The following CTNND2 variants were observed in gnomAD, a reference collection of about 807,000 sequenced individuals.
CTNND2 encodes catenin delta-2.
A neutral mutation model predicts 144.4 loss-of-function variants in CTNND2; 22 were observed. The observed-to-expected ratio is 0.15, with a 90% CI of 0.11 to 0.22. The LOEUF is 0.22. Among genes scored for constraint, CTNND2 ranks in the 10% least tolerant of loss-of-function variants. CTNND2 has a pLI of 1.00. For synonymous variants in CTNND2, 751 were observed against 695.6 expected (o/e 1.08, Z -1.25); for missense variants, 1,353 against 1,618.8 (o/e 0.84, Z 2.82).
intron 9 of CTNND2, among the ~76,000 whole-genome samples, chr5:11,290,330 TGACGGG>T (rs1748198363): frequency 6.6e-6 from 1 of 152,222 alleles, no homozygotes; most frequent in African/African-American, 2.4e-5. Context: ...ATGAGGTACC[TGACGGG>T]ATGCTCATCG....
At chr5:11,169,495 T>C (rs1316395606) in intron 11 of CTNND2, among the ~76,000 whole-genome samples, 1 of 152,226 alleles carries the variant, frequency 6.6e-6, no homozygotes, top group Non-Finnish European at 1.5e-5. Context: ...CTTATCTCTA[T>C]GCATGGAACA....
At chr5:11,530,633 C>T (rs958361292) in intron 3 of CTNND2, among the ~76,000 whole-genome samples, 7 of 152,160 alleles carry the variant, frequency 4.6e-5, no homozygotes, top group African/African-American at 1.7e-4. Flanking sequence ...GCACTGCACT[C>T]AAAATACTAG....
chr5:11,485,373 G>GTGTGTT (rs938521230), intron 3 of CTNND2, among the ~76,000 whole-genome samples: 31 of 125,082 alleles, frequency 2.5e-4, no homozygotes, highest in African/African-American at 8.0e-4. Flanking sequence ...GTGTGTGTGT[G>GTGTGTT]TGCGCGCGCG....
chr5:10,974,888 CCT>C (rs1327265315), intron 21 of CTNND2, among the ~76,000 whole-genome samples: 1 of 152,078 alleles, frequency 6.6e-6, no homozygotes, highest in African/African-American at 2.4e-5. Context: ...AGTGAAACTC[CCT>C]CTTATATATG....
chr5:11,588,101 C>T (rs117385989), intron 2 of CTNND2, among the ~76,000 whole-genome samples: 2 of 152,164 alleles, frequency 1.3e-5, no homozygotes, highest in East Asian at 3.9e-4. Context: ...GTGTTCAAAA[C>T]ATGTAATTAT....
intron 3 of CTNND2, among the ~76,000 whole-genome samples, chr5:11,458,549 T>C (rs529957600): frequency 4.6e-5 from 7 of 152,284 alleles, no homozygotes; most frequent in African/African-American, 1.2e-4. Context: ...GCAGACACAG[T>C]TGGGAAGGCA....
At chr5:11,874,461 C>A (rs751697365) in intron 1 of CTNND2, among the ~76,000 whole-genome samples, 75 of 152,050 alleles carry the variant, frequency 4.9e-4, no homozygotes, top group Non-Finnish European at 1.0e-3. Context: ...GTATGATATA[C>A]CAGCATCGCT....
At chr5:11,428,511 G>T (rs1184501031) in intron 3 of CTNND2, among the ~76,000 whole-genome samples, 1 of 152,122 alleles carries the variant, frequency 6.6e-6, no homozygotes, top group Non-Finnish European at 1.5e-5. Flanking sequence ...ATCAAAACAG[G>T]CTAGGATTCT....
At chr5:11,401,412 G>A (rs1760639425) in intron 5 of CTNND2, among the ~76,000 whole-genome samples, 1 of 152,134 alleles carries the variant, frequency 6.6e-6, no homozygotes, top group South Asian at 2.1e-4. Flanking sequence ...GAGGCCAGAG[G>A]TCTACAATGT....
chr5:11,443,210 G>C (rs1764440909), intron 3 of CTNND2, among the ~76,000 whole-genome samples: 4 of 140,246 alleles, frequency 2.9e-5, no homozygotes, highest in African/African-American at 1.0e-4. Flanking sequence ...TGGTGTGTAT[G>C]TGTGTGTGGT....
intron 2 of CTNND2, among the ~76,000 whole-genome samples, chr5:11,677,540 G>T (rs191450270): frequency 6.6e-6 from 1 of 152,126 alleles, no homozygotes; most frequent in Admixed American, 6.6e-5. Flanking sequence ...CCTTAGAAAT[G>T]AATTAATATA....
intron 1 of CTNND2, among the ~76,000 whole-genome samples, chr5:11,756,643 TACATAC>T (rs1176856313): frequency 2.3e-4 from 5 of 21,334 alleles, no homozygotes; most frequent in African/African-American, 5.4e-4. Context: ...TACACACACA[TACATAC>T]ACACACACAC....
At chr5:11,858,361 G>C (rs1395967108) in intron 1 of CTNND2, among the ~76,000 whole-genome samples, 4 of 152,150 alleles carry the variant, frequency 2.6e-5, no homozygotes, top group African/African-American at 9.7e-5. Flanking sequence ...ATAGGAATGG[G>C]GTGAGGGGGT....
chr5:11,089,758 C>G (rs924966955), intron 15 of CTNND2, among the ~76,000 whole-genome samples: 1 of 152,192 alleles, frequency 6.6e-6, no homozygotes, highest in Admixed American at 6.5e-5. Context: ...GCCTGTAATC[C>G]GAGCACTTTC....
chr5:11,840,294 AAAT>A (rs1794393661), intron 1 of CTNND2, among the ~76,000 whole-genome samples: 1 of 152,206 alleles, frequency 6.6e-6, no homozygotes, highest in Non-Finnish European at 1.5e-5. Flanking sequence ...AAAGTAGCAT[AAAT>A]AATGTTTCTT....
At chr5:11,258,189 G>A (rs1324226649) in intron 9 of CTNND2, among the ~76,000 whole-genome samples, 1 of 152,126 alleles carries the variant, frequency 6.6e-6, no homozygotes, top group African/African-American at 2.4e-5. Context: ...GCAAAGTCCT[G>A]CCCATCAGGG....
intron 7 of CTNND2, among the ~76,000 whole-genome samples, chr5:11,381,760 G>A (rs1758503055): frequency 6.6e-6 from 1 of 152,160 alleles, no homozygotes; most frequent in South Asian, 2.1e-4. Flanking sequence ...GAGGTCAGGA[G>A]ATCAAGACCA....
intron 1 of CTNND2, among the ~76,000 whole-genome samples, chr5:11,811,680 A>G (rs1318074808): frequency 6.6e-6 from 1 of 152,148 alleles, no homozygotes; most frequent in Non-Finnish European, 1.5e-5. Flanking sequence ...TTGATATTTA[A>G]GGATCAAACA....
intron 9 of CTNND2, among the ~76,000 whole-genome samples, chr5:11,308,086 C>A (rs762733156): frequency 6.6e-6 from 1 of 152,212 alleles, no homozygotes; most frequent in Non-Finnish European, 1.5e-5. Context: ...TCCCAGCCTC[C>A]AGAACTGTGA....
Sources: allele counts gnomAD v4.1 joint callset (sites outside exome capture counted in the v4.1 genomes callset), GRCh38; gene constraint gnomAD v4.1.1; transcripts MANE v1.5; gene names NCBI Gene and HGNC (gene_info 2026-07-23, HGNC 2026-07-21).